The following PRPSAP2 variants were observed in gnomAD, a reference collection of about 807,000 sequenced individuals.
The protein encoded by PRPSAP2 is phosphoribosyl pyrophosphate synthase-associated protein 2.
In PRPSAP2, 24 loss-of-function variants were observed where a neutral mutation model predicts 40.6. That is an observed-to-expected ratio of 0.59 (90% confidence interval 0.43 to 0.83). The LOEUF is 0.83. Among genes scored for constraint, PRPSAP2 ranks in the 40% least tolerant of loss-of-function variants. The pLI is 0.00. For synonymous variants in PRPSAP2, 149 were observed against 164.7 expected (o/e 0.90, Z 0.73); for missense variants, 292 against 465.6 (o/e 0.63, Z 3.43).
intron 8 of PRPSAP2, among the ~76,000 whole-genome samples, chr17:18,902,405 A>G (rs1178868829): frequency 6.6e-6 from 1 of 152,212 alleles, no homozygotes; most frequent in Non-Finnish European, 1.5e-5. Context: ...GATCTTTGCA[A>G]CTTTGGAAGT....
intron 7 of PRPSAP2, among the ~76,000 whole-genome samples, chr17:18,889,327 G>A (rs2039387651): frequency 6.6e-6 from 1 of 152,162 alleles, no homozygotes; most frequent in Non-Finnish European, 1.5e-5. Flanking sequence ...TGAGAAAAAA[G>A]CAATGAGAAT....
chr17:18,886,946 T>C (rs2039197633), intron 7 of PRPSAP2, among the ~76,000 whole-genome samples: 2 of 141,382 alleles, frequency 1.4e-5, no homozygotes, highest in South Asian at 4.5e-4. Flanking sequence ...TTTTTTTTTT[T>C]TTTTTTTGAG....
At chr17:18,926,896 T>C (rs939885405) in intron 10 of PRPSAP2, among the ~76,000 whole-genome samples, 2 of 152,172 alleles carry the variant, frequency 1.3e-5, no homozygotes, top group Non-Finnish European at 2.9e-5. Flanking sequence ...CAAGGCACCC[T>C]CATGCTTCCT....
rs1358549314 is a variant in PRPSAP2, at chr17:18,923,785, ATCAGAT to A, written c.734-127_734-122del. 2.8e-5 allele frequency: 24 copies of A among 854,850 alleles called. No individual in the cohort carries two copies. In the African/African-American group the frequency reaches 3.8e-4, roughly 13 times the overall value. 53.0% of individuals were successfully genotyped at this position (854,850 alleles called of 1,614,324 possible). A position where few individuals can be genotyped will look rare whatever the true frequency, so the allele number is the denominator to read the frequency against. ...CTGTGGGTTTTTGTAGTTGCCCTTA[ATCAGAT>A]TGAGGAAATTCCCTTGTATTCCTAG... On this transcript the variant is annotated intron_variant, in intron 9 of 11. Coordinates refer to ENST00000268835, the MANE Select transcript of PRPSAP2 (RefSeq NM_002767.4).
chr17:18,865,933 C>T lies in PRPSAP2; in HGVS notation c.100C>T (p.Leu34=), dbSNP rs1470197196. The T allele has an allele frequency of 1.4e-6, 2 of 1,470,606 alleles. No homozygotes were observed. The highest frequency in any genetic ancestry group is 1.8e-6 in the Non-Finnish European group (2 of 1,095,530). 91.1% of individuals were successfully genotyped at this position (1,470,606 alleles called of 1,614,324 possible). ...SANSNSSCME[L]SKKIAERLGV... ...AAACTCGAATTCATCATGTATGGAG[C>T]TATCAAAGAAAATTGCAGAGTGAGT... The change falls in exon 3 of 12, where the codon CTA becomes TTA. Residue 34 remains leucine, a synonymous_variant. Transcript: ENST00000268835.
chr17:18,890,258 C>T (rs888270789), intron 8 of PRPSAP2, among the ~76,000 whole-genome samples: 3 of 152,036 alleles, frequency 2.0e-5, no homozygotes, highest in Non-Finnish European at 2.9e-5. Flanking sequence ...CAACCTCCAC[C>T]TCCTGGGTTC....
At chr17:18,876,101 C>G (rs781715811) in intron 5 of PRPSAP2, among the ~76,000 whole-genome samples, 1 of 152,180 alleles carries the variant, frequency 6.6e-6, no homozygotes, top group African/African-American at 2.4e-5. Flanking sequence ...CCATTGCACT[C>G]CAGCCTGGGC....
chr17:18,893,679 C>A (rs1005971173), intron 8 of PRPSAP2, among the ~76,000 whole-genome samples: 4 of 151,890 alleles, frequency 2.6e-5, no homozygotes, highest in African/African-American at 7.3e-5. Flanking sequence ...TGCTTGAGCC[C>A]AAGAGGTCAA....
chr17:18,863,657 C>T (rs575821193), intron 1 of PRPSAP2, among the ~76,000 whole-genome samples: 5 of 151,098 alleles, frequency 3.3e-5, no homozygotes, highest in Non-Finnish European at 5.9e-5. Context: ...CTCAGCCTCC[C>T]GATTAGCTGG....
intron 9 of PRPSAP2, among the ~76,000 whole-genome samples, chr17:18,918,183 G>A (rs1310558824): frequency 6.6e-6 from 1 of 152,170 alleles, no homozygotes; most frequent in Non-Finnish European, 1.5e-5. Context: ...AAGGCCATCT[G>A]GGCAGGGGTT....
chr17:18,903,196 G>A (rs1463233900), intron 8 of PRPSAP2, among the ~76,000 whole-genome samples: 1 of 151,886 alleles, frequency 6.6e-6, no homozygotes, highest in Non-Finnish European at 1.5e-5. Flanking sequence ...GGGAGGCCGA[G>A]ATGGGTGGAT....
chr17:18,886,550 G>A (rs1341271529), intron 7 of PRPSAP2, among the ~76,000 whole-genome samples: 2 of 151,914 alleles, frequency 1.3e-5, no homozygotes, highest in African/African-American at 4.8e-5. Context: ...AGTAGAGATG[G>A]GGTTTCACCG....
At chr17:18,870,056 C>A (rs2037748734) in intron 4 of PRPSAP2, among the ~76,000 whole-genome samples, 1 of 152,010 alleles carries the variant, frequency 6.6e-6, no homozygotes, top group South Asian at 2.1e-4. Context: ...ACCATGTTGG[C>A]CAGGTTGGTC....
intron 9 of PRPSAP2, among the ~76,000 whole-genome samples, chr17:18,917,162 C>G (rs535635643): frequency 6.6e-6 from 1 of 151,738 alleles, no homozygotes; most frequent in Non-Finnish European, 1.5e-5. Flanking sequence ...TGGGGAAGAA[C>G]CCTAACCCCC....
In PRPSAP2 at chr17:18,931,174, T is replaced by G. The variant is rs2042228522; in HGVS notation, c.*476T>G. On this transcript the variant is annotated 3_prime_UTR_variant, in exon 12 of 12. Coordinates refer to ENST00000268835, the MANE Select transcript of PRPSAP2 (RefSeq NM_002767.4). ...TGTGATTGTATTTATTTTCTGCAAC[T>G]AAAAAAGGAATAAAAACTTGTGTTT... 1 of 152,278 alleles carries G rather than the reference T, an allele frequency of 6.6e-6. No homozygotes were observed. Among genetic ancestry groups the G allele is most frequent in the Admixed American group, 6.5e-5 (1 of 15,282 alleles). The allele number at this position is 152,278 out of a possible 1,614,324, so 9.4% of individuals were successfully genotyped here. A position where few individuals can be genotyped will look rare whatever the true frequency, so the allele number is the denominator to read the frequency against.
chr17:18,871,750 T>C (rs1449807269), intron 4 of PRPSAP2, among the ~76,000 whole-genome samples: 3 of 147,354 alleles, frequency 2.0e-5, no homozygotes, highest in Non-Finnish European at 4.5e-5. Flanking sequence ...AACCTCCGCC[T>C]CCTGGGTTCA....
chr17:18,877,570 G>C, intron 5 of PRPSAP2, 128 bp from the exon 6 acceptor site: 1 of 758,156 alleles, frequency 1.3e-6, no homozygotes, highest in Non-Finnish European at 2.0e-6. Context: ...GGAATTTATT[G>C]GTTGGTTTTT....
intron 8 of PRPSAP2, among the ~76,000 whole-genome samples, chr17:18,891,932 C>T (rs1001686988): frequency 6.6e-6 from 1 of 152,350 alleles, no homozygotes; most frequent in East Asian, 1.9e-4. Context: ...TCTCAGCTCA[C>T]TGCAACCTCC....
intron 1 of PRPSAP2, among the ~76,000 whole-genome samples, chr17:18,859,927 G>A (rs887910410): frequency 2.0e-5 from 3 of 151,704 alleles, no homozygotes; most frequent in African/African-American, 7.3e-5. Context: ...TGTATTTTTA[G>A]TAGAGACAGG....
Sources: allele counts gnomAD v4.1 joint callset (sites outside exome capture counted in the v4.1 genomes callset), GRCh38; gene constraint gnomAD v4.1.1; transcripts MANE v1.5; gene names NCBI Gene and HGNC (gene_info 2026-07-23, HGNC 2026-07-21).